Variants in TENM4 observed in about 807,000 individuals in gnomAD.
TENM4 encodes the protein teneurin-4.
In TENM4, 82 loss-of-function variants were observed where a neutral mutation model predicts 243.3. The observed-to-expected ratio is 0.34, with a 90% CI of 0.28 to 0.40. TENM4 has a LOEUF of 0.40. Ranked by LOEUF, TENM4 falls within the 10% of genes least tolerant of loss-of-function variation. TENM4 has a pLI of 1.00. For missense variants in TENM4, 3,138 were observed against 3,673.3 expected, an observed-to-expected ratio of 0.85 and a Z score of 3.77; for synonymous variants, 1,412 against 1,456.3, an observed-to-expected ratio of 0.97 and a Z score of 0.69.
intron 12 of TENM4, among the ~76,000 whole-genome samples, chr11:78,852,508 C>A (rs1858564104): frequency 6.6e-6 from 1 of 151,994 alleles, no homozygotes. Context: ...TGTGGTGAAA[C>A]CTCATCTCTA....
intron 1 of TENM4, among the ~76,000 whole-genome samples, chr11:79,358,729 C>A (rs1006106154): frequency 1.0e-5 from 1 of 99,402 alleles, no homozygotes; most frequent in Non-Finnish European, 2.0e-5. Flanking sequence ...CTTCCCTCTT[C>A]CTTCCCTCTT....
chr11:79,254,578 C>T (rs950286443), intron 2 of TENM4, among the ~76,000 whole-genome samples: 12 of 152,156 alleles, frequency 7.9e-5, no homozygotes, highest in African/African-American at 2.9e-4. Context: ...TCATGCACAT[C>T]CAATTTTTTA....
At chr11:79,385,807 A>T (rs1590928709) in intron 1 of TENM4, among the ~76,000 whole-genome samples, 1 of 152,150 alleles carries the variant, frequency 6.6e-6, no homozygotes, top group Middle Eastern at 3.4e-3. Context: ...CACTTTTCCT[A>T]ACACCATCTC....
chr11:79,215,941 G>T, intron 2 of TENM4, 32 bp from the exon 3 acceptor site: 1 of 854,390 alleles, frequency 1.2e-6, no homozygotes, highest in Non-Finnish European at 1.4e-6. Flanking sequence ...ATCCAACTGA[G>T]TGAGGTGGCA....
rs1338095358 is a variant in TENM4, at chr11:78,689,393, C to T, written c.5088-1167G>A. ...TTGCACTTGTGTGTGAATGGGGACACAGTTCTTCCTCTACATGGCAATATT... is the reference window on the plus strand; with the variant it reads ...TTGCACTTGTGTGTGAATGGGGACATAGTTCTTCCTCTACATGGCAATATT... On this transcript the variant is annotated intron_variant, in intron 28 of 33. Transcript: ENST00000278550. Among the ~76,000 whole-genome samples the T allele has an allele frequency of 2.0e-5, 3 of 151,794 alleles. No homozygotes were observed. In the East Asian group the frequency reaches 5.8e-4, roughly 29 times the overall value.
rs1859323922 is a variant in TENM4, at chr11:79,438,415, A to T, written c.-321+2094T>A. On this transcript the variant is annotated intron_variant, in intron 1 of 33. Transcript: ENST00000278550. This position sits in a 1 kb window ranked among gnomAD's most constrained non-coding sequence, Gnocchi z 4.1. Reference sequence around the variant, plus strand: ...GGCGAGAGGCGAAGGAACGGAAGCCATACCCGACCCCAGCCCCATCCCGTC... The same window carrying T: ...GGCGAGAGGCGAAGGAACGGAAGCCTTACCCGACCCCAGCCCCATCCCGTC... 6.6e-6 allele frequency among the ~76,000 whole-genome samples: 1 copy of T among 152,200 alleles called. No homozygotes were observed. Among genetic ancestry groups the T allele is most frequent in the African/African-American group, 2.4e-5 (1 of 41,460 alleles).
chr11:79,034,325 C>A (rs1859320290), intron 6 of TENM4, among the ~76,000 whole-genome samples: 1 of 152,174 alleles, frequency 6.6e-6, no homozygotes, highest in Non-Finnish European at 1.5e-5. Flanking sequence ...TCTTTCCTTT[C>A]CCACTGCATG....
At chr11:78,790,976 T>C (rs938014168) in intron 15 of TENM4, among the ~76,000 whole-genome samples, 2 of 152,222 alleles carry the variant, frequency 1.3e-5, no homozygotes, top group Non-Finnish European at 2.9e-5. Flanking sequence ...CATGCTCTCC[T>C]GGCATGAAGT....
At chr11:79,341,117 T>G (rs546196934) in intron 1 of TENM4, among the ~76,000 whole-genome samples, 3 of 152,062 alleles carry the variant, frequency 2.0e-5, no homozygotes, top group Non-Finnish European at 4.4e-5. Context: ...GAAAATGGAT[T>G]CTCCCTTTGG....
At chr11:78,748,449 T>C (rs1025696613) in intron 19 of TENM4, among the ~76,000 whole-genome samples, 4 of 152,196 alleles carry the variant, frequency 2.6e-5, no homozygotes, top group African/African-American at 7.2e-5. Context: ...GGGTTTTTTA[T>C]GATGTAGTAG....
intron 26 of TENM4, among the ~76,000 whole-genome samples, chr11:78,710,535 G>A (rs1859373717): frequency 1.3e-5 from 2 of 152,236 alleles, no homozygotes. Flanking sequence ...ATTTCATTCT[G>A]TAAGTGCCAA....
At chr11:78,913,368 G>A (rs1158645379) in intron 6 of TENM4, among the ~76,000 whole-genome samples, 9 of 152,174 alleles carry the variant, frequency 5.9e-5, no homozygotes, top group Admixed American at 2.0e-4. Context: ...AGCTGCAGCC[G>A]GAGGGGTGGG....
At chr11:79,294,930 G>A (rs913254047) in intron 2 of TENM4, among the ~76,000 whole-genome samples, 5 of 152,116 alleles carry the variant, frequency 3.3e-5, no homozygotes, top group Middle Eastern at 3.2e-3. Context: ...ATGGGCATTT[G>A]CTGCCTGGAG....
At chr11:79,105,389 C>G (rs779250330) in intron 4 of TENM4, among the ~76,000 whole-genome samples, 6 of 152,238 alleles carry the variant, frequency 3.9e-5, no homozygotes, top group African/African-American at 1.4e-4. Flanking sequence ...GAAACACTGA[C>G]TTCTCATCCT....
At chr11:78,953,549 C>A (rs1013955188) in intron 6 of TENM4, among the ~76,000 whole-genome samples, 3 of 152,118 alleles carry the variant, frequency 2.0e-5, no homozygotes, top group Non-Finnish European at 4.4e-5. Context: ...AGTACAACTG[C>A]CCCTCCAAAT....
At chr11:79,168,363 T>C (rs1862963135) in intron 3 of TENM4, among the ~76,000 whole-genome samples, 2 of 152,094 alleles carry the variant, frequency 1.3e-5, no homozygotes, top group Non-Finnish European at 2.9e-5. Flanking sequence ...TGTGGGAGAA[T>C]GACATGGTGA....
At chr11:78,864,306 C>T (rs1008771425) in intron 9 of TENM4, among the ~76,000 whole-genome samples, 82 of 150,420 alleles carry the variant, frequency 5.5e-4, no homozygotes, top group Non-Finnish European at 1.5e-4. Flanking sequence ...TAGTGGCGGG[C>T]GCCTGTAGTC....
intron 3 of TENM4, among the ~76,000 whole-genome samples, chr11:79,158,908 T>C (rs117976299): frequency 2.3e-4 from 35 of 152,282 alleles, no homozygotes; most frequent in Non-Finnish European, 3.5e-4. Flanking sequence ...ATCACCTCTA[T>C]TGGACCAGGA....
At chr11:79,176,760 T>G (rs545781073) in intron 3 of TENM4, among the ~76,000 whole-genome samples, 1 of 152,280 alleles carries the variant, frequency 6.6e-6, no homozygotes, top group Admixed American at 6.5e-5. Flanking sequence ...ATATAGTGTA[T>G]AGTCAGTGAT....
Sources: allele counts gnomAD v4.1 joint callset (sites outside exome capture counted in the v4.1 genomes callset), GRCh38; gene constraint gnomAD v4.1.1; non-coding constraint Gnocchi (gnomAD v3.1); transcripts MANE v1.5; gene names NCBI Gene and HGNC (gene_info 2026-07-23, HGNC 2026-07-21).